The following FOXN1 variants were observed in gnomAD, a reference collection of about 807,000 sequenced individuals.
FOXN1 encodes the protein forkhead box protein N1.
FOXN1 carries 15 observed loss-of-function variants against 49.0 expected under a neutral mutation model. The ratio of observed to expected loss-of-function variants is 0.31; its 90% CI spans 0.20 to 0.47. The LOEUF is 0.47. Among genes scored for constraint, FOXN1 ranks in the 20% least tolerant of loss-of-function variants. FOXN1 has a pLI of 1.00. For missense variants in FOXN1, 800 were observed against 842.8 expected (o/e 0.95, Z 0.63); for synonymous variants, 356 against 369.0 (o/e 0.96, Z 0.40).
At chr17:28,517,793 G>A (rs1238218478) in intron 1 of FOXN1, among the ~76,000 whole-genome samples, 1 of 140,412 alleles carries the variant, frequency 7.1e-6, no homozygotes, top group Non-Finnish European at 1.5e-5. Context: ...TACCTCCACA[G>A]GGTACACACC....
chr17:28,514,689 G>A (rs114525367), intron 1 of FOXN1, among the ~76,000 whole-genome samples: 2,634 of 152,164 alleles, frequency 0.017, 80 homozygotes, highest in African/African-American at 0.06. Context: ...GCCAGCAACA[G>A]AAACCATTAA....
intron 3 of FOXN1, 151 bp downstream of exon 3, chr17:28,525,118 G>A (rs556316071): frequency 2.8e-6 from 2 of 702,278 alleles, no homozygotes; most frequent in Non-Finnish European, 4.9e-6. Context: ...CTGGTCAGCT[G>A]GGGAGGGGTG....
In FOXN1 at chr17:28,527,339, C is replaced by G. The variant is rs1179152799; in HGVS notation, c.677C>G (p.Ser226Cys). 1 of 1,610,486 alleles carries G rather than the reference C, an allele frequency of 6.2e-7. No individual in the cohort carries two copies. The highest frequency in any genetic ancestry group is 1.3e-5 in the African/African-American group (1 of 74,842). ...CCTCCCTTGCAGCATATGTACTGCT[C>G]CTCCCAGCCCCCCTTCCACCAGGTG... ...YQPPLQHMYC[S>C]SQPPFHQYSP... is the part of the protein sequence containing the mutation. The change falls in exon 4 of 9, where the codon TCC becomes TGC. Residue 226 changes from serine to cysteine, a missense_variant. Ser to Cys is a moderately radical substitution (Grantham distance 112, BLOSUM62 -1). Coordinates refer to ENST00000579795, the MANE Select transcript of FOXN1 (RefSeq NM_001369369.1).
At chr17:28,528,112 C>T (rs1021726330) in intron 4 of FOXN1, among the ~76,000 whole-genome samples, 2 of 152,216 alleles carry the variant, frequency 1.3e-5, no homozygotes, top group East Asian at 1.9e-4. Flanking sequence ...GTTCTGCACC[C>T]GGCTCTCTGG....
chr17:28,524,441 C>T, intron 2 of FOXN1, 62 bp from the exon 3 acceptor site: 1 of 1,429,416 alleles, frequency 7.0e-7, no homozygotes, highest in Non-Finnish European at 9.9e-7. Context: ...AGTAGGGTCC[C>T]AGCCAGTCCC....
intron 6 of FOXN1, among the ~76,000 whole-genome samples, chr17:28,532,051 C>A (rs1254237291): frequency 6.6e-6 from 1 of 152,240 alleles, no homozygotes; most frequent in East Asian, 1.9e-4. Flanking sequence ...AGGGGCTGAA[C>A]TCTCCCTAAC....
chr17:28,521,765 A>C (rs1056813355), intron 1 of FOXN1, among the ~76,000 whole-genome samples: 1 of 152,112 alleles, frequency 6.6e-6, no homozygotes, highest in African/African-American at 2.4e-5. Flanking sequence ...CTTTGGGCAA[A>C]TTGCCTCCCC....
chr17:28,511,259 A>T (rs2069390972), intron 1 of FOXN1, among the ~76,000 whole-genome samples: 1 of 152,202 alleles, frequency 6.6e-6, no homozygotes, highest in South Asian at 2.1e-4. Context: ...GCCTTGTACT[A>T]AATCTGTATT....
intron 3 of FOXN1, among the ~76,000 whole-genome samples, chr17:28,525,943 A>G (rs184411055): frequency 1.6e-3 from 240 of 152,248 alleles, no homozygotes; most frequent in Non-Finnish European, 1.1e-3. Context: ...TCCACTCAAT[A>G]ACAGCTGCCA....
chr17:28,511,439 C>T (rs1181987087), intron 1 of FOXN1, among the ~76,000 whole-genome samples: 1 of 152,132 alleles, frequency 6.6e-6, no homozygotes, highest in Non-Finnish European at 1.5e-5. Flanking sequence ...AGCGCACCAG[C>T]AGGACGAGGG....
At chr17:28,536,727 A>G (rs1001618060) in intron 8 of FOXN1, among the ~76,000 whole-genome samples, 18 of 152,090 alleles carry the variant, frequency 1.2e-4, no homozygotes, top group African/African-American at 4.3e-4. Flanking sequence ...TCCAGAGTAC[A>G]CTGCCGGAAG....
At chr17:28,533,242 C>T (rs558239763) in intron 6 of FOXN1, among the ~76,000 whole-genome samples, 5 of 152,114 alleles carry the variant, frequency 3.3e-5, no homozygotes, top group East Asian at 1.9e-4. Context: ...GGAATGAGGG[C>T]GAAGGAGCCC....
In FOXN1 at chr17:28,538,271, C is replaced by G. The variant is rs984642867; in HGVS notation, c.*835C>G. 1 of 152,178 alleles carries G rather than the reference C, an allele frequency of 6.6e-6. No individual in the cohort carries two copies. The highest frequency in any genetic ancestry group is 1.9e-4 in the East Asian group (1 of 5,188). The allele number at this position is 152,178 out of a possible 1,614,324, so 9.4% of individuals were successfully genotyped here. On this transcript the variant is annotated 3_prime_UTR_variant, in exon 9 of 9. Coordinates refer to ENST00000579795, the MANE Select transcript of FOXN1 (RefSeq NM_001369369.1). ...CCAGTCCCGGGTGCAGGAAGGGCCC[C>G]CTCCAGGTCACCACAATCTCACTCC...
At chr17:28,533,303 G>A (rs2069959940) in intron 6 of FOXN1, among the ~76,000 whole-genome samples, 1 of 152,070 alleles carries the variant, frequency 6.6e-6, no homozygotes, top group Non-Finnish European at 1.5e-5. Flanking sequence ...CTGAACTCAG[G>A]GCTGTCACAG....
At chr17:28,523,215 G>A (rs1785959529) in intron 1 of FOXN1, among the ~76,000 whole-genome samples, 1 of 152,206 alleles carries the variant, frequency 6.6e-6, no homozygotes, top group Non-Finnish European at 1.5e-5. Context: ...ATCAGAAAGG[G>A]GCAGTGGCCT....
rs76777321 is a variant in FOXN1 at position 28,526,205 on chromosome 17, A to G, written c.589-1046A>G. Among the ~76,000 whole-genome samples the G allele has an allele frequency of 0.2, 30,823 of 152,170 alleles. 3,234 individuals carry two copies. The highest frequency in any genetic ancestry group is 0.24 in the Middle Eastern group (72 of 294). On this transcript the variant is annotated intron_variant, in intron 3 of 8. Coordinates refer to ENST00000579795, the MANE Select transcript of FOXN1 (RefSeq NM_001369369.1). ...GTCGACTTGCTGGGTGACCTTGGGC[A>G]TATTGCTTCCCCTCTTTGGGCTCAG...
chr17:28,519,392 G>T (rs371308557), intron 1 of FOXN1, among the ~76,000 whole-genome samples: 1 of 152,130 alleles, frequency 6.6e-6, no homozygotes, highest in Admixed American at 6.6e-5. Flanking sequence ...TGCGGCAAAG[G>T]GACCCCAGGG....
chr17:28,534,497 G>A lies in FOXN1; in HGVS notation c.1094G>A (p.Arg365Lys). The change falls in exon 7 of 9, where the codon AGG (arginine) becomes AAG (lysine). Residue 365 changes from arginine (R) to lysine (K), a missense_variant. This residue lies in a region of FOXN1 where 344 missense variants were observed against 366.1 expected (regional missense o/e 0.94). Coordinates refer to ENST00000579795, the MANE Select transcript of FOXN1 (RefSeq NM_001369369.1). The surrounding 1 kb of genome is among the most constrained non-coding windows in gnomAD (Gnocchi z 4.1). ...CAAGAGGAGCTGCAAAAATGGAAGAGGAAAGATCCCATTGCTGTGCGCAAA... is the reference window on the plus strand; with the variant it reads ...CAAGAGGAGCTGCAAAAATGGAAGAAGAAAGATCCCATTGCTGTGCGCAAA... Reference protein sequence around the residue: ...KMQEELQKWKRKDPIAVRKSM... With the variant: ...KMQEELQKWKKKDPIAVRKSM... 1 of 1,613,978 alleles carries A rather than the reference G, an allele frequency of 6.2e-7. No individual in the cohort carries two copies. The highest frequency in any genetic ancestry group is 8.5e-7 in the Non-Finnish European group (1 of 1,180,010).
intron 1 of FOXN1, among the ~76,000 whole-genome samples, chr17:28,520,565 T>G (rs530148698): frequency 2.0e-5 from 3 of 152,288 alleles, no homozygotes; most frequent in South Asian, 2.1e-4. Context: ...ACTTCCTTGG[T>G]TCTCATCCTG....
Sources: allele counts gnomAD v4.1 joint callset (sites outside exome capture counted in the v4.1 genomes callset), GRCh38; gene constraint gnomAD v4.1.1; regional missense constraint gnomAD v4.1.1; non-coding constraint Gnocchi (gnomAD v3.1); transcripts MANE v1.5; gene names NCBI Gene and HGNC (gene_info 2026-07-23, HGNC 2026-07-21).